Variants in CDC37L1 observed in about 807,000 individuals in gnomAD.
The protein encoded by CDC37L1 is hsp90 co-chaperone Cdc37-like 1.
Under a neutral mutation model 45.9 loss-of-function variants are expected in CDC37L1, and 32 were observed. The ratio of observed to expected loss-of-function variants is 0.70; its 90% CI spans 0.53 to 0.94. CDC37L1 has a LOEUF of 0.94. CDC37L1 is among the 40% of genes least tolerant of loss of function. The probability of loss-of-function intolerance (pLI) is 0.00; values close to 1 mark genes in which losing one functional copy is unlikely to be tolerated. For missense variants in CDC37L1, 434 were observed against 405.7 expected, an observed-to-expected ratio of 1.07 and a Z score of -0.60; for synonymous variants, 150 against 133.0, an observed-to-expected ratio of 1.13 and a Z score of -0.88.
chr9:4,679,955 T>C (rs1841172916), intron 1 of CDC37L1, 56 bp downstream of exon 1: 1 of 1,598,022 alleles, frequency 6.3e-7, no homozygotes, highest in Admixed American at 1.7e-5. Flanking sequence ...GCCAAACCCC[T>C]GGAATGCCGC....
At chr9:4,699,824 T>C (rs1841381084) in intron 5 of CDC37L1, among the ~76,000 whole-genome samples, 1 of 152,164 alleles carries the variant, frequency 6.6e-6, no homozygotes, top group Admixed American at 6.5e-5. Flanking sequence ...ATCTTTTACA[T>C]GCTCTTCTGC....
chr9:4,686,246 T>G (rs375917730), intron 2 of CDC37L1, among the ~76,000 whole-genome samples: 1 of 152,168 alleles, frequency 6.6e-6, no homozygotes, highest in Non-Finnish European at 1.5e-5. Context: ...CTGGACCAGC[T>G]CTAGTTCTGC....
chr9:4,685,986 A>T (rs1231535386), intron 2 of CDC37L1, among the ~76,000 whole-genome samples: 2 of 152,172 alleles, frequency 1.3e-5, no homozygotes, highest in African/African-American at 4.8e-5. Context: ...GACATGATGA[A>T]ACCCTGTCTC....
chr9:4,700,281 A>T (rs924548031), intron 5 of CDC37L1, among the ~76,000 whole-genome samples: 4 of 152,120 alleles, frequency 2.6e-5, no homozygotes, highest in African/African-American at 9.7e-5. Context: ...TCAGATTCCC[A>T]GGTAGCTGGG....
At chr9:4,694,071 G>T (rs550567498) in intron 3 of CDC37L1, among the ~76,000 whole-genome samples, 1 of 152,154 alleles carries the variant, frequency 6.6e-6, no homozygotes, top group African/African-American at 2.4e-5. Context: ...CCACTGAGTT[G>T]TTGATTCTCC....
intron 5 of CDC37L1, among the ~76,000 whole-genome samples, chr9:4,699,929 A>G (rs1423491263): frequency 6.6e-6 from 1 of 152,170 alleles, no homozygotes; most frequent in Non-Finnish European, 1.5e-5. Flanking sequence ...AATTATAAAT[A>G]ATTTCCGTTT....
intron 5 of CDC37L1, 57 bp downstream of exon 5, chr9:4,697,936 T>C: frequency 6.4e-7 from 1 of 1,556,066 alleles, no homozygotes; most frequent in Non-Finnish European, 8.8e-7. Context: ...TGAGACCTCT[T>C]TGTTCTGTTC....
At position 4,707,743 on chromosome 9, in the gene CDC37L1, C is replaced by G. The variant is rs552594935; in HGVS notation, c.*1631C>G. ...TCGTAGACATTTTTTTCTTTTTGTTCTGTTCTGAAGCAAGCTCTTATTTTT... is the reference window on the plus strand; with the variant it reads ...TCGTAGACATTTTTTTCTTTTTGTTGTGTTCTGAAGCAAGCTCTTATTTTT... On this transcript the variant is annotated 3_prime_UTR_variant, in exon 7 of 7. Transcript: ENST00000381854. The G allele has an allele frequency of 1.4e-5, 2 of 140,974 alleles. No homozygotes were observed. The highest frequency in any genetic ancestry group is 2.1e-4 in the East Asian group (1 of 4,798). The allele number at this position is 140,974 out of a possible 1,614,324, so 8.7% of individuals were successfully genotyped here. A position where few individuals can be genotyped will look rare whatever the true frequency, so the allele number is the denominator to read the frequency against.
Position 4,704,953 on chromosome 9 carries a change from G to C in CDC37L1, c.913-1058G>C, listed in dbSNP as rs917095616. Among the ~76,000 whole-genome samples, 3 of 152,158 alleles carry C rather than the reference G, an allele frequency of 2.0e-5. No individual in the cohort carries two copies. The East Asian group carries it at 5.8e-4, about 29-fold the overall frequency. ...GAGGCAGGATTAAAACTGAAGCCCA[G>C]TGTGAGTGTCCCAGACCTCAGTCAG... On this transcript the variant is annotated intron_variant, in intron 6 of 6. Transcript: ENST00000381854.
In CDC37L1 at chr9:4,698,387, C is replaced by T. The variant is rs1841366922; in HGVS notation, c.747+508C>T. ...ACCCTTTAAAATTATATTTATGGAA[C>T]TTTTGTAATGAGCTGAAGAAATGCT... On this transcript the variant is annotated intron_variant, in intron 5 of 6. Coordinates refer to ENST00000381854, the MANE Select transcript of CDC37L1 (RefSeq NM_017913.4). Among the ~76,000 whole-genome samples, 6 of 150,260 alleles carry T rather than the reference C, an allele frequency of 4.0e-5. No homozygotes were observed. The South Asian group carries it at 1.3e-3, about 32-fold the overall frequency.
Position 4,680,053 on chromosome 9 carries a change from C to T in CDC37L1, c.132+154C>T, listed in dbSNP as rs989548512. 3.3e-5 allele frequency among the ~76,000 whole-genome samples: 5 copies of T among 152,228 alleles called. No homozygotes were observed. The East Asian group carries it at 9.6e-4, about 29-fold the overall frequency. ...TGGGACCTGACGCCTGATGCCATCC[C>T]ACCCCTTTTATGGCATCTTCGGAGG... On this transcript the variant is annotated intron_variant, in intron 1 of 6. Transcript: ENST00000381854.
Position 4,697,887 on chromosome 9 carries a change from G to C in CDC37L1, c.747+8G>C. ...TTTTTCCAGAAAGCCAAAGTAAGTA[G>C]TTATTTGATATTGATAAATGGGAAG... On this transcript the variant is annotated splice_region_variant and intron_variant, in intron 5 of 6. Coordinates refer to ENST00000381854, the MANE Select transcript of CDC37L1 (RefSeq NM_017913.4). 1 of 1,612,660 alleles carries C rather than the reference G, an allele frequency of 6.2e-7. No individual in the cohort carries two copies. Among genetic ancestry groups the C allele is most frequent in the Non-Finnish European group, 8.5e-7 (1 of 1,179,128 alleles).
intron 3 of CDC37L1, among the ~76,000 whole-genome samples, chr9:4,692,489 T>C (rs496016): frequency 2.0e-5 from 3 of 151,964 alleles, no homozygotes; most frequent in Non-Finnish European, 4.4e-5. Context: ...AGGCTGGCCT[T>C]GAACTCCTGA....
intron 3 of CDC37L1, among the ~76,000 whole-genome samples, chr9:4,693,108 T>C (rs1308080208): frequency 2.0e-5 from 3 of 152,142 alleles, no homozygotes; most frequent in African/African-American, 7.2e-5. Flanking sequence ...AGATTTTTAG[T>C]ACACAGAGAA....
chr9:4,701,776 C>G (rs1012114312), intron 5 of CDC37L1, 88 bp from the exon 6 acceptor site: 11 of 958,086 alleles, frequency 1.1e-5, no homozygotes, highest in Non-Finnish European at 1.7e-5. Flanking sequence ...ACTTCCTCCA[C>G]TTCAAACCTG....
rs150557098 is a variant in CDC37L1, at chr9:4,685,137, T to C, written c.393T>C (p.Ile131=). 43 of 1,613,606 alleles carry C rather than the reference T, an allele frequency of 2.7e-5. No individual in the cohort carries two copies. In the African/African-American group the frequency reaches 5.6e-4, roughly 21 times the overall value. The change falls in exon 2 of 7, where the codon ATT becomes ATC. Residue 131 remains isoleucine (I), a synonymous_variant. Coordinates refer to ENST00000381854, the MANE Select transcript of CDC37L1 (RefSeq NM_017913.4). ...TGTGTCTGTGGAGCACGGATGCCAT[T>C]AGCAAGGATGTTTTTAATAAGGTAT... The part of the protein sequence containing the change: ...EKMCLWSTDA[I]SKDVFNKSFI...
intron 1 of CDC37L1, among the ~76,000 whole-genome samples, chr9:4,682,159 CTCT>C (rs1368075972): frequency 0.05 from 2,430 of 48,388 alleles, 139 homozygotes; most frequent in African/African-American, 0.32. Flanking sequence ...ATTATCCTTT[CTCT>C]TTTTTTTTTT....
intron 3 of CDC37L1, among the ~76,000 whole-genome samples, chr9:4,691,275 C>T (rs1841298415): frequency 6.6e-6 from 1 of 152,156 alleles, no homozygotes; most frequent in South Asian, 2.1e-4. Flanking sequence ...ATTATTACAT[C>T]ACCCAGGTAT....
At chr9:4,704,117 T>TA (rs1841423155) in intron 6 of CDC37L1, among the ~76,000 whole-genome samples, 1 of 152,224 alleles carries the variant, frequency 6.6e-6, no homozygotes, top group South Asian at 2.1e-4. Context: ...AGAAAAATCT[T>TA]ACCATAATAA....
Sources: allele counts gnomAD v4.1 joint callset (sites outside exome capture counted in the v4.1 genomes callset), GRCh38; gene constraint gnomAD v4.1.1; transcripts MANE v1.5; gene names NCBI Gene and HGNC (gene_info 2026-07-23, HGNC 2026-07-21).